RBFOX3: variants seen among roughly 807,000 people sequenced by gnomAD.
The protein encoded by RBFOX3 is RNA binding protein fox-1 homolog 3.
RBFOX3 carries 17 observed loss-of-function variants against 48.7 expected under a neutral mutation model. That is an observed-to-expected ratio of 0.35 (90% CI 0.24 to 0.52). The LOEUF is 0.52. RBFOX3 is among the 20% of genes least tolerant of loss of function. RBFOX3 has a pLI of 0.94. For missense variants in RBFOX3, 382 were observed against 497.5 expected (o/e 0.77, Z 2.21); for synonymous variants, 212 against 209.5 (o/e 1.01, Z -0.10).
At chr17:79,298,707 G>A (rs1157320693) in intron 3 of RBFOX3, among the ~76,000 whole-genome samples, 1 of 152,184 alleles carries the variant, frequency 6.6e-6, no homozygotes, top group Non-Finnish European at 1.5e-5. Flanking sequence ...CGCCGGCAGG[G>A]CCCAGCTGGG....
chr17:79,343,044 TTTTC>T (rs2082345172), intron 2 of RBFOX3, among the ~76,000 whole-genome samples: 1 of 151,814 alleles, frequency 6.6e-6, no homozygotes, highest in African/African-American at 2.4e-5. Flanking sequence ...AGTGTTGAGT[TTTTC>T]TTTCTTTCTC....
chr17:79,434,267 C>T (rs1555729909), intron 2 of RBFOX3, among the ~76,000 whole-genome samples: 2 of 152,154 alleles, frequency 1.3e-5, no homozygotes, highest in African/African-American at 2.4e-5. Flanking sequence ...TATGAAAGCA[C>T]CTTTAATCTT....
At chr17:79,463,620 TCGCCACCGCCAC>T (rs2075853174) in intron 2 of RBFOX3, among the ~76,000 whole-genome samples, 1 of 27,206 alleles carries the variant, frequency 3.7e-5, no homozygotes, top group African/African-American at 1.5e-4. Context: ...TCCACCGCCA[TCGCCACCGCCAC>T]TGCCACCGCC....
In RBFOX3 at chr17:79,111,419, A is replaced by AT. The variant is rs531503773; in HGVS notation, c.222+4074dup. Reference sequence around the variant, plus strand: ...AGTGACCCTCCGTGCTTTGTCTGGCATTTTTTTTATCTGCGTGCTAATCTC... The same window carrying AT: ...AGTGACCCTCCGTGCTTTGTCTGGCATTTTTTTTTATCTGCGTGCTAATCTC... On this transcript the variant is annotated intron_variant, in intron 5 of 14. Coordinates refer to ENST00000693108, the MANE Select transcript of RBFOX3 (RefSeq NM_001350451.2). The surrounding 1 kb of genome is among the most constrained non-coding windows in gnomAD (Gnocchi z 4.2). Among the ~76,000 whole-genome samples the AT allele has an allele frequency of 1.1e-3, 166 of 151,942 alleles. 4 individuals carry two copies. In the South Asian group the frequency reaches 0.031, roughly 28 times the overall value.
chr17:79,306,890 GA>G (rs58637475), intron 3 of RBFOX3, among the ~76,000 whole-genome samples: 75,913 of 152,182 alleles, frequency 0.5, 21,207 homozygotes, highest in Non-Finnish European at 0.61. Flanking sequence ...GAGGCTGGGG[GA>G]AAAGGGAACC....
intron 1 of RBFOX3, among the ~76,000 whole-genome samples, chr17:79,573,502 G>A (rs1408374355): frequency 6.6e-6 from 1 of 152,218 alleles, no homozygotes; most frequent in Non-Finnish European, 1.5e-5. Context: ...CTGGTCTGCA[G>A]AGGGGCTCCA....
chr17:79,370,001 A>G (rs2147577936), intron 2 of RBFOX3, among the ~76,000 whole-genome samples: 2 of 152,244 alleles, frequency 1.3e-5, no homozygotes, highest in East Asian at 3.9e-4. Flanking sequence ...CGTTAGATGG[A>G]GTTTGGGATC....
chr17:79,632,828 A>G, the RBFOX3 span, among the ~76,000 whole-genome samples: 5 of 151,692 alleles, frequency 3.3e-5, no homozygotes, highest in South Asian at 8.3e-4. Flanking sequence ...AGGCAGGAGG[A>G]TGGCTTGGGC....
intron 4 of RBFOX3, among the ~76,000 whole-genome samples, chr17:79,187,826 C>A (rs1411569365): frequency 1.3e-5 from 2 of 152,124 alleles, no homozygotes; most frequent in African/African-American, 4.8e-5. Flanking sequence ...CAAGGTCAGG[C>A]TGGGGATGGG....
rs116712517 is a variant in RBFOX3, at chr17:79,498,591, C to T, written c.-319-15993G>A. On this transcript the variant is annotated intron_variant, in intron 1 of 14. Transcript: ENST00000693108. Reference sequence around the variant, plus strand: ...TATCCTTCCCCCCACCCCATCTACCCATTCGCCCATCCATCCATGCATCTA... The same window carrying T: ...TATCCTTCCCCCCACCCCATCTACCTATTCGCCCATCCATCCATGCATCTA... 6.6e-3 allele frequency among the ~76,000 whole-genome samples: 1,003 copies of T among 150,920 alleles called. 10 individuals carry two copies. Among genetic ancestry groups the T allele is most frequent in the African/African-American group, 0.023 (930 of 40,720 alleles).
At chr17:79,226,880 A>G (rs1432151658) in intron 4 of RBFOX3, among the ~76,000 whole-genome samples, 1 of 152,216 alleles carries the variant, frequency 6.6e-6, no homozygotes, top group East Asian at 1.9e-4. Flanking sequence ...CACCAGCGTG[A>G]GACTGGATAA....
At chr17:79,426,848 G>A (rs1418723291) in intron 2 of RBFOX3, among the ~76,000 whole-genome samples, 1 of 152,136 alleles carries the variant, frequency 6.6e-6, no homozygotes, top group Non-Finnish European at 1.5e-5. Flanking sequence ...GGGATTACAG[G>A]CATGCACCAC....
At chr17:79,470,007 C>G (rs2076862951) in intron 2 of RBFOX3, among the ~76,000 whole-genome samples, 1 of 152,124 alleles carries the variant, frequency 6.6e-6, no homozygotes, top group Non-Finnish European at 1.5e-5. Flanking sequence ...CAAGGAGTGA[C>G]CAAGAGCCAG....
chr17:79,167,341 G>A (rs1482070444), intron 4 of RBFOX3, among the ~76,000 whole-genome samples: 1 of 151,980 alleles, frequency 6.6e-6, no homozygotes, highest in Non-Finnish European at 1.5e-5. Context: ...TCCCTCTGGG[G>A]TCTCTATCAG....
the RBFOX3 span, among the ~76,000 whole-genome samples, chr17:79,656,680 G>GAGAAGAAAGAAAGGAA: frequency 4.2e-5 from 2 of 47,380 alleles, no homozygotes; most frequent in African/African-American, 9.3e-5. Context: ...AAAGAAGGAA[G>GAGAAGAAAGAAAGGAA]GAGGGAAGGA....
chr17:79,200,613 G>T (rs1044715810), intron 4 of RBFOX3, among the ~76,000 whole-genome samples: 6 of 152,186 alleles, frequency 3.9e-5, no homozygotes, highest in African/African-American at 1.4e-4. Flanking sequence ...GGCCTTGGTG[G>T]GTTGGGACAT....
intron 1 of RBFOX3, among the ~76,000 whole-genome samples, chr17:79,492,978 G>A (rs2080914755): frequency 6.6e-6 from 1 of 152,170 alleles, no homozygotes; most frequent in Non-Finnish European, 1.5e-5. Flanking sequence ...GGCTGTTCTT[G>A]CATTGCTATA....
chr17:79,531,715 C>T (rs1172335125), intron 1 of RBFOX3, among the ~76,000 whole-genome samples: 2 of 152,170 alleles, frequency 1.3e-5, no homozygotes, highest in Non-Finnish European at 2.9e-5. Flanking sequence ...TGGCAGCAAA[C>T]GCACCCAGTT....
intron 1 of RBFOX3, among the ~76,000 whole-genome samples, chr17:79,504,836 C>T (rs1400558959): frequency 2.0e-5 from 3 of 152,214 alleles, no homozygotes; most frequent in Admixed American, 2.0e-4. Flanking sequence ...TTTGGGGGCC[C>T]TTATTCAGCC....
Sources: gnomAD v4.1 joint callset for allele counts (sites outside exome capture counted in the v4.1 genomes callset) on GRCh38, gnomAD v4.1.1 for gene constraint, Gnocchi (gnomAD v3.1) non-coding constraint, MANE v1.5 for transcripts, NCBI Gene and HGNC (gene_info 2026-07-23, HGNC 2026-07-21) for gene names.